The following RNF150 variants were observed in gnomAD, a reference collection of about 807,000 sequenced individuals.
RNF150 encodes the protein ring finger protein 150.
Under a neutral mutation model 39.3 loss-of-function variants are expected in RNF150, and 24 were observed. That is an observed-to-expected ratio of 0.61 (90% CI 0.44 to 0.86). RNF150 has a LOEUF of 0.86. Ranked by LOEUF, RNF150 falls within the 40% of genes least tolerant of loss-of-function variation. The pLI is 0.00. For synonymous variants in RNF150, 255 were observed against 227.3 expected, an observed-to-expected ratio of 1.12 and a Z score of -1.10; for missense variants, 502 against 587.8, an observed-to-expected ratio of 0.85 and a Z score of 1.51.
At chr4:140,989,226 G>A (rs925284886) in intron 1 of RNF150, among the ~76,000 whole-genome samples, 3 of 152,048 alleles carry the variant, frequency 2.0e-5, no homozygotes, top group African/African-American at 4.8e-5. Flanking sequence ...TTGGAAAATA[G>A]GATTAAGAGA....
intron 6 of RNF150, among the ~76,000 whole-genome samples, chr4:140,895,768 T>C (rs568810824): frequency 6.6e-6 from 1 of 152,336 alleles, no homozygotes; most frequent in South Asian, 2.1e-4. Flanking sequence ...AGTAAAATTA[T>C]GCATCTGAGA....
chr4:141,141,525 T>C (rs1439763976), intron 1 of RNF150, among the ~76,000 whole-genome samples: 1 of 152,158 alleles, frequency 6.6e-6, no homozygotes, highest in East Asian at 1.9e-4. Context: ...AAGAATAAGA[T>C]TGTGAATGGT....
At chr4:140,978,129 C>T (rs1168939574) in intron 1 of RNF150, among the ~76,000 whole-genome samples, 1 of 152,004 alleles carries the variant, frequency 6.6e-6, no homozygotes, top group Non-Finnish European at 1.5e-5. Context: ...TAGAGCCAAC[C>T]AACTGACTTG....
chr4:141,184,289 C>T (rs1578785643), intron 1 of RNF150, among the ~76,000 whole-genome samples: 3 of 152,186 alleles, frequency 2.0e-5, no homozygotes, highest in Admixed American at 2.0e-4. Context: ...TGTTTGTTGG[C>T]TACATAAATG....
intron 3 of RNF150, 93 bp from the exon 4 acceptor site, chr4:140,947,829 CA>C: frequency 1.3e-6 from 1 of 784,884 alleles, no homozygotes; most frequent in Non-Finnish European, 2.0e-6. Flanking sequence ...TTGCCTGGAG[CA>C]AAGCTTTCCG....
At chr4:141,109,650 A>G (rs1739323923) in intron 1 of RNF150, among the ~76,000 whole-genome samples, 1 of 152,126 alleles carries the variant, frequency 6.6e-6, no homozygotes. Flanking sequence ...AGGCAATCCT[A>G]AGAACAGAGA....
At chr4:140,992,652 C>T (rs990193963) in intron 1 of RNF150, among the ~76,000 whole-genome samples, 1 of 152,110 alleles carries the variant, frequency 6.6e-6, no homozygotes. Flanking sequence ...ACAAGGCTTT[C>T]TAACCCTGGC....
intron 1 of RNF150, among the ~76,000 whole-genome samples, chr4:141,008,842 T>G (rs527306501): frequency 6.6e-6 from 1 of 151,008 alleles, no homozygotes; most frequent in South Asian, 2.1e-4. Flanking sequence ...AAGTTCTTCT[T>G]CCTTCTCCTT....
At chr4:141,103,168 T>G (rs4629541) in intron 1 of RNF150, among the ~76,000 whole-genome samples, 116,870 of 152,112 alleles carry the variant, frequency 0.77, 45,946 homozygotes, top group East Asian at 0.88. Context: ...AGATAAAGAC[T>G]GCTAGAAACC....
rs570334940 is a variant in RNF150, at chr4:141,057,209, G to C, written c.484+75116C>G. On this transcript the variant is annotated intron_variant, in intron 1 of 6. Coordinates refer to ENST00000515673, the MANE Select transcript of RNF150 (RefSeq NM_020724.2). ...TAAAACAGTGCCTTGCATATGGCAG[G>C]CATATGGTAACATTCAATAAATGTT... Among the ~76,000 whole-genome samples the C allele has an allele frequency of 1.4e-4, 22 of 151,798 alleles. No homozygotes were observed. The Middle Eastern group carries it at 0.01, about 71-fold the overall frequency.
At chr4:140,876,270 T>G (rs1729152553) in intron 6 of RNF150, among the ~76,000 whole-genome samples, 1 of 152,234 alleles carries the variant, frequency 6.6e-6, no homozygotes, top group Non-Finnish European at 1.5e-5. Flanking sequence ...TTGGTTGAAT[T>G]ATAATGTTGC....
At chr4:140,928,768 G>C (rs539296229) in intron 4 of RNF150, among the ~76,000 whole-genome samples, 1 of 152,092 alleles carries the variant, frequency 6.6e-6, no homozygotes, top group East Asian at 1.9e-4. Context: ...GGATGGTCTC[G>C]ATCTCCTGAC....
intron 1 of RNF150, among the ~76,000 whole-genome samples, chr4:141,080,942 G>A (rs1738127469): frequency 1.3e-5 from 2 of 152,298 alleles, no homozygotes; most frequent in East Asian, 1.9e-4. Flanking sequence ...ATCGCCAAAC[G>A]AGACCTGCAG....
At chr4:140,930,162 A>AAACC (rs201611106) in intron 4 of RNF150, among the ~76,000 whole-genome samples, 3,356 of 152,156 alleles carry the variant, frequency 0.022, 69 homozygotes, top group Non-Finnish European at 0.027. Context: ...CTCTACCTCA[A>AAACC]AACCAACCAA....
intron 1 of RNF150, among the ~76,000 whole-genome samples, chr4:141,183,394 A>G (rs913374138): frequency 6.6e-6 from 1 of 152,072 alleles, no homozygotes; most frequent in South Asian, 2.1e-4. Context: ...TGAGAGAAAA[A>G]CCTGTGAATA....
In RNF150 at chr4:140,957,698, C is replaced by T. The variant is rs564764365; in HGVS notation, c.736-8326G>A. On this transcript the variant is annotated intron_variant, in intron 2 of 6. Transcript: ENST00000515673. The stretch of plus-strand genomic sequence containing the variant: ...GGATTAAGAAAATGTGGCACATATA[C>T]ACCATGGAATACTATGCAGCCATAA... Among the ~76,000 whole-genome samples, 26 of 151,974 alleles carry T rather than the reference C, an allele frequency of 1.7e-4. No homozygotes were observed. In the East Asian group the frequency reaches 2.3e-3, roughly 14 times the overall value.
intron 1 of RNF150, among the ~76,000 whole-genome samples, chr4:141,155,557 A>C (rs1309560492): frequency 6.6e-6 from 1 of 152,218 alleles, no homozygotes; most frequent in African/African-American, 2.4e-5. Context: ...CATATTAAAC[A>C]GGGTATAGCA....
At chr4:141,133,507 G>C (rs961899479), upstream of RNF150, 1 of 152,778 alleles carries the variant, frequency 6.5e-6, no homozygotes, top group Non-Finnish European at 1.5e-5. Flanking sequence ...TAATGTGTGC[G>C]TGCAAGGAGG....
chr4:140,882,783 T>C (rs375845462), intron 6 of RNF150, among the ~76,000 whole-genome samples: 1 of 151,212 alleles, frequency 6.6e-6, no homozygotes, highest in Non-Finnish European at 1.5e-5. Flanking sequence ...TTTCATCTTT[T>C]CCCTTTAGCT....
Sources: allele counts gnomAD v4.1 joint callset (sites outside exome capture counted in the v4.1 genomes callset), GRCh38; gene constraint gnomAD v4.1.1; transcripts MANE v1.5; gene names NCBI Gene and HGNC (gene_info 2026-07-23, HGNC 2026-07-21).